Variants in NRXN1 observed in about 807,000 individuals in gnomAD.
NRXN1 encodes the protein neurexin-1.
NRXN1 carries 39 observed loss-of-function variants against 150.9 expected under a neutral mutation model. The observed-to-expected ratio is 0.26, with a 90% CI of 0.20 to 0.34. The LOEUF is 0.34. Among genes scored for constraint, NRXN1 ranks in the 10% least tolerant of loss-of-function variants. The pLI is 1.00. For synonymous variants in NRXN1, 924 were observed against 757.0 expected (o/e 1.22, Z -3.62); for missense variants, 1,815 against 1,949.9 (o/e 0.93, Z 1.30).
intron 3 of NRXN1, among the ~76,000 whole-genome samples, chr2:50,925,494 C>T (rs145233548): frequency 5.8e-4 from 88 of 151,928 alleles, no homozygotes; most frequent in African/African-American, 2.0e-3. Context: ...TCTTTTTATA[C>T]ATCCAATCAT....
chr2:50,323,593 A>ATATATATATATATATAT (rs1558525123), intron 17 of NRXN1, among the ~76,000 whole-genome samples: 2 of 149,648 alleles, frequency 1.3e-5, no homozygotes, highest in African/African-American at 5.0e-5. Context: ...ATATATATAT[A>ATATATATATATATATAT]ACTTAGCAGA....
At chr2:50,153,444 C>A (rs2058816682) in intron 18 of NRXN1, among the ~76,000 whole-genome samples, 2 of 150,754 alleles carry the variant, frequency 1.3e-5, no homozygotes, top group South Asian at 4.2e-4. Flanking sequence ...TATGGCAACT[C>A]TGGAAATCAG....
chr2:50,314,519 A>G (rs76119249), intron 17 of NRXN1, among the ~76,000 whole-genome samples: 2,064 of 152,090 alleles, frequency 0.014, 138 homozygotes, highest in Admixed American at 0.11. Context: ...CCTCAGAGAA[A>G]AAAAAATCAT....
At chr2:49,929,527 T>C (rs1669744208) in intron 22 of NRXN1, among the ~76,000 whole-genome samples, 1 of 152,160 alleles carries the variant, frequency 6.6e-6, no homozygotes, top group Admixed American at 6.5e-5. Flanking sequence ...TCATAGTCTG[T>C]TCACAGCTAC....
At chr2:50,434,404 G>A (rs1169129303) in intron 17 of NRXN1, among the ~76,000 whole-genome samples, 1 of 151,844 alleles carries the variant, frequency 6.6e-6, no homozygotes, top group Admixed American at 6.6e-5. Context: ...TTCTATGGGT[G>A]GATTCCTCTC....
chr2:50,833,001 G>A (rs1671628395), intron 5 of NRXN1, among the ~76,000 whole-genome samples: 1 of 152,086 alleles, frequency 6.6e-6, no homozygotes, highest in Non-Finnish European at 1.5e-5. Context: ...ATTTAAAAGT[G>A]GACAAAATAA....
At chr2:50,403,046 A>G (rs2082503106) in intron 17 of NRXN1, among the ~76,000 whole-genome samples, 1 of 152,108 alleles carries the variant, frequency 6.6e-6, no homozygotes, top group Non-Finnish European at 1.5e-5. Flanking sequence ...CCTTATAATC[A>G]TCAAAAGGTA....
chr2:50,720,948 T>G (rs1308217994), intron 5 of NRXN1, among the ~76,000 whole-genome samples: 1 of 152,150 alleles, frequency 6.6e-6, no homozygotes, highest in East Asian at 1.9e-4. Context: ...GACTGACAAT[T>G]CAATTCCAGT....
chr2:49,965,090 G>A (rs1676715683), intron 21 of NRXN1, among the ~76,000 whole-genome samples: 6 of 151,926 alleles, frequency 3.9e-5, no homozygotes, highest in Admixed American at 3.9e-4. Context: ...ACGTTTCCCA[G>A]GCTGGTCTCA....
intron 21 of NRXN1, among the ~76,000 whole-genome samples, chr2:49,968,692 G>A (rs1198198973): frequency 6.6e-6 from 1 of 152,074 alleles, no homozygotes; most frequent in Non-Finnish European, 1.5e-5. Context: ...TAACATGAAT[G>A]TATCTCCTTG....
At chr2:50,104,773 C>T (rs1701419139) in intron 18 of NRXN1, among the ~76,000 whole-genome samples, 1 of 151,932 alleles carries the variant, frequency 6.6e-6, no homozygotes, top group African/African-American at 2.4e-5. Context: ...CTAAACTATA[C>T]CATTGCTCCT....
At chr2:50,465,248 A>G (rs886355808) in intron 17 of NRXN1, among the ~76,000 whole-genome samples, 194 bp downstream of exon 17, 19 of 151,896 alleles carry the variant, frequency 1.3e-4, no homozygotes, top group African/African-American at 4.6e-4. Flanking sequence ...AAGAATCACC[A>G]TCATCACAGG....
intron 9 of NRXN1, among the ~76,000 whole-genome samples, chr2:50,552,204 CATATTTT>C (rs1667636908): frequency 6.6e-6 from 1 of 151,824 alleles, no homozygotes; most frequent in African/African-American, 2.4e-5. Context: ...ATTTTTTTTT[CATATTTT>C]ATATTTGCCA....
chr2:49,930,521 C>T (rs1179597082), intron 22 of NRXN1, among the ~76,000 whole-genome samples: 1 of 152,114 alleles, frequency 6.6e-6, no homozygotes, highest in African/African-American at 2.4e-5. Context: ...AGAAAGTAAT[C>T]CAATAACATC....
intron 5 of NRXN1, chr2:50,739,227 C>T (rs749701216): frequency 2.0e-6 from 1 of 498,232 alleles, no homozygotes; most frequent in Non-Finnish European, 4.0e-6. Context: ...ACCAAGGGCA[C>T]TGGGTTCATT....
intron 17 of NRXN1, among the ~76,000 whole-genome samples, chr2:50,334,788 T>C (rs1379446015): frequency 6.6e-6 from 1 of 152,258 alleles, no homozygotes; most frequent in Non-Finnish European, 1.5e-5. Flanking sequence ...ATCCAAGTTA[T>C]GTGGTTTCAT....
Position 49,919,444 on chromosome 2 carries a change from T to C in NRXN1, c.*2500A>G, listed in dbSNP as rs1173822057. 1.3e-5 allele frequency: 2 copies of C among 152,078 alleles called. No individual in the cohort carries two copies. The highest frequency in any genetic ancestry group is 2.9e-5 in the Non-Finnish European group (2 of 67,962). 9.4% of individuals were successfully genotyped at this position (152,078 alleles called of 1,614,324 possible). A position where few individuals can be genotyped will look rare whatever the true frequency, so the allele number is the denominator to read the frequency against. On this transcript the variant is annotated 3_prime_UTR_variant, in exon 23 of 23. Transcript: ENST00000401669. Reference sequence around the variant, plus strand: ...ATTGAAATCAATCCCAAACAACACATTTCATAGATATACTGCTTAAAATTA... The same window carrying C: ...ATTGAAATCAATCCCAAACAACACACTTCATAGATATACTGCTTAAAATTA...
intron 2 of NRXN1, among the ~76,000 whole-genome samples, chr2:51,003,679 G>C (rs1202169553): frequency 6.6e-6 from 1 of 151,902 alleles, no homozygotes; most frequent in Admixed American, 6.6e-5. Context: ...TGGTACATAT[G>C]ACAATATATC....
chr2:50,265,216 T>C (rs749413772), intron 17 of NRXN1, among the ~76,000 whole-genome samples: 2 of 152,032 alleles, frequency 1.3e-5, no homozygotes, highest in African/African-American at 2.4e-5. Context: ...ATTTGCTTAC[T>C]GGTAAAAAAG....
Sources: allele counts gnomAD v4.1 joint callset (sites outside exome capture counted in the v4.1 genomes callset), GRCh38; gene constraint gnomAD v4.1.1; transcripts MANE v1.5; gene names NCBI Gene and HGNC (gene_info 2026-07-23, HGNC 2026-07-21).